Variants in SCNN1A observed in about 807,000 individuals in gnomAD.
The protein encoded by SCNN1A is epithelial sodium channel subunit alpha.
In SCNN1A, 65 loss-of-function variants were observed where a neutral mutation model predicts 68.6. That is an observed-to-expected ratio of 0.95 (90% CI 0.78 to 1.16). The LOEUF (loss-of-function observed/expected upper bound fraction) is 1.16. Among genes scored for constraint, SCNN1A ranks in the 50% most tolerant of loss-of-function variants. The pLI, the probability that SCNN1A is intolerant of heterozygous loss-of-function variation, is 0.00. For synonymous variants in SCNN1A, 357 were observed against 353.3 expected, an observed-to-expected ratio of 1.01 and a Z score of -0.12; for missense variants, 880 against 865.9, an observed-to-expected ratio of 1.02 and a Z score of -0.20.
intron 4 of SCNN1A, among the ~76,000 whole-genome samples, chr12:6,360,379 G>A (rs1948562917): frequency 1.3e-5 from 2 of 151,546 alleles, no homozygotes; most frequent in African/African-American, 2.4e-5. Flanking sequence ...GGAAAGCACA[G>A]GTGTCCATGG....
In SCNN1A at chr12:6,355,375, G is replaced by T; in HGVS notation, c.1040C>A (p.Thr347Asn). 1.2e-6 allele frequency: 2 copies of T among 1,614,038 alleles called. No homozygotes were observed. The highest frequency in any genetic ancestry group is 1.7e-6 in the Non-Finnish European group (2 of 1,179,988). The change falls in exon 6 of 13, where the codon ACT becomes AAT. Residue 347 changes from threonine to asparagine, a missense_variant. By Grantham distance (65) the Thr-to-Asn change is moderately conservative. Coordinates refer to ENST00000228916, the MANE Select transcript of SCNN1A (RefSeq NM_001038.6). The stretch of plus-strand genomic sequence containing the variant: ...CCCGTGCACCATTACCCGGGCCCCA[G>T]TCACTGTGGACAGCAGGGGAATGAA... ...NDFIPLLSTV[T>N]GARVMVHGQD...
intron 2 of SCNN1A, among the ~76,000 whole-genome samples, chr12:6,368,764 C>G (rs1370907256): frequency 6.6e-6 from 1 of 152,166 alleles, no homozygotes; most frequent in Non-Finnish European, 1.5e-5. Flanking sequence ...AAAGAGCACC[C>G]AAGCCAGAAC....
rs766337568 is a variant in SCNN1A, at chr12:6,374,478, G to A, written c.306C>T (p.Phe102=). 27 of 1,614,126 alleles carry A rather than the reference G, an allele frequency of 1.7e-5. No homozygotes were observed. Among genetic ancestry groups the A allele is most frequent in the Middle Eastern group, 1.6e-4 (1 of 6,084 alleles). The part of the protein sequence containing the change: ...LCTFGMMYWQ[F]GLLFGEYFSY... ...TGAAGTACTCTCCGAAAAGCAGGCC[G>A]AATTGCCAGTACATCATGCCAAAGG... Residue 102 remains phenylalanine (F), a synonymous_variant, in exon 2 of 13, where the codon TTC becomes TTT. Coordinates refer to ENST00000228916, the MANE Select transcript of SCNN1A (RefSeq NM_001038.6). The surrounding 1 kb of genome is among the most constrained non-coding windows in gnomAD (Gnocchi z 6.2).
rs13306618 is a variant in SCNN1A at position 6,374,898 on chromosome 12, G to A, written c.-54-61C>T. ...GGTCAGGGTCAAGGCTGAGCTCTGG[G>A]CCCTGAGTGCCCTCTCCCATCACCC... On this transcript the variant is annotated intron_variant, in intron 1 of 12. Transcript: ENST00000228916. The surrounding 1 kb of genome is among the most constrained non-coding windows in gnomAD (Gnocchi z 6.2). 4.0e-4 allele frequency: 643 copies of A among 1,611,390 alleles called. 7 individuals are homozygous for A. The East Asian group carries it at 0.014, about 35-fold the overall frequency.
At chr12:6,368,749 C>T (rs1445546001) in intron 2 of SCNN1A, among the ~76,000 whole-genome samples, 1 of 152,110 alleles carries the variant, frequency 6.6e-6, no homozygotes, top group Non-Finnish European at 1.5e-5. Flanking sequence ...CACATGGTGC[C>T]CCAGAAAGAG....
At position 6,351,999 on chromosome 12, in the gene SCNN1A, C is replaced by T. The variant is rs1016026439; in HGVS notation, c.1360+2439G>A. ...ATCCTGGGCTCAAGTGATCTGCCCACCTTGGCCTCTCAAAGTGCTGCGATT... is the reference window on the plus strand; with the variant it reads ...ATCCTGGGCTCAAGTGATCTGCCCATCTTGGCCTCTCAAAGTGCTGCGATT... On this transcript the variant is annotated intron_variant, in intron 8 of 12. Coordinates refer to ENST00000228916, the MANE Select transcript of SCNN1A (RefSeq NM_001038.6). The surrounding 1 kb of genome is among the most constrained non-coding windows in gnomAD (Gnocchi z 4.2). 6.6e-6 allele frequency among the ~76,000 whole-genome samples: 1 copy of T among 152,144 alleles called. No individual in the cohort carries two copies.
At chr12:6,349,072 T>C in intron 10 of SCNN1A, 67 bp from the exon 11 acceptor site, 1 of 1,605,700 alleles carries the variant, frequency 6.2e-7, no homozygotes, top group East Asian at 2.2e-5. Flanking sequence ...GATAGGGTTG[T>C]GTCAAACACA....
chr12:6,352,342 G>GT (rs937811275), intron 8 of SCNN1A, among the ~76,000 whole-genome samples: 1 of 152,090 alleles, frequency 6.6e-6, no homozygotes, highest in African/African-American at 2.4e-5. Flanking sequence ...TCCTCAGTCT[G>GT]AAGTCCTTCT....
At chr12:6,371,347 T>C (rs1948786385) in intron 2 of SCNN1A, among the ~76,000 whole-genome samples, 1 of 151,922 alleles carries the variant, frequency 6.6e-6, no homozygotes, top group African/African-American at 2.4e-5. Context: ...TGACAAATTG[T>C]CCTCCAATGA....
chr12:6,351,715 TG>T lies in SCNN1A; in HGVS notation c.1361-2311del, dbSNP rs1296272695. ...GTGGTTGCCCAAGGGCTGGCAGTGGTGGAGGAGGGGAGGGAAGCTTGGGACT... is the reference window on the plus strand; with the variant it reads ...GTGGTTGCCCAAGGGCTGGCAGTGGTGAGGAGGGGAGGGAAGCTTGGGACT... On this transcript the variant is annotated intron_variant, in intron 8 of 12. Transcript: ENST00000228916. The surrounding 1 kb of genome is among the most constrained non-coding windows in gnomAD (Gnocchi z 4.2). Among the ~76,000 whole-genome samples, 1 of 149,836 alleles carries T rather than the reference TG, an allele frequency of 6.7e-6. No homozygotes were observed. Among genetic ancestry groups the T allele is most frequent in the Non-Finnish European group, 1.5e-5 (1 of 67,416 alleles).
rs58854337 is a variant in SCNN1A, at chr12:6,354,179, C to T, written c.1360+259G>A. On this transcript the variant is annotated intron_variant, in intron 8 of 12. Transcript: ENST00000228916. ...CCGGGAGGTGGAGCTTGCAGTGAGC[C>T]GAGATCGCGCCACTGCTCTCCAGCC... Among the ~76,000 whole-genome samples, 20,648 of 151,562 alleles carry T rather than the reference C, an allele frequency of 0.14. 4,056 individuals are homozygous for T. The highest frequency in any genetic ancestry group is 0.44 in the African/African-American group (18,041 of 41,264).
chr12:6,369,780 G>A (rs1040515660), intron 2 of SCNN1A, among the ~76,000 whole-genome samples: 1 of 143,432 alleles, frequency 7.0e-6, no homozygotes, highest in Admixed American at 7.6e-5. Flanking sequence ...CTTGCAGTGA[G>A]CCAAGATCCC....
At chr12:6,353,374 A>G (rs1209791426) in intron 8 of SCNN1A, among the ~76,000 whole-genome samples, 1 of 152,014 alleles carries the variant, frequency 6.6e-6, no homozygotes, top group Non-Finnish European at 1.5e-5. Flanking sequence ...TGTATCTTCT[A>G]ATATTTTCTT....
Position 6,374,439 on chromosome 12 carries a change from G to A in SCNN1A, c.345C>T (p.Ser115=). 6.2e-7 allele frequency: 1 copy of A among 1,614,216 alleles called. No individual in the cohort carries two copies. Among genetic ancestry groups the A allele is most frequent in the East Asian group, 2.2e-5 (1 of 44,886 alleles). ...LFGEYFSYPV[S]LNINLNSDKL... ...TGTCCGAGTTGAGGTTGATGTTGAG[G>A]CTGACGGGGTAGCTGAAGTACTCTC... The change falls in exon 2 of 13, where the codon AGC becomes AGT. Residue 115 remains serine (S), a synonymous_variant. Coordinates refer to ENST00000228916, the MANE Select transcript of SCNN1A (RefSeq NM_001038.6). This position sits in a 1 kb window ranked among gnomAD's most constrained non-coding sequence, Gnocchi z 6.2.
intron 7 of SCNN1A, 84 bp downstream of exon 7, chr12:6,354,665 CT>C: frequency 7.0e-7 from 1 of 1,428,150 alleles, no homozygotes; most frequent in Non-Finnish European, 9.9e-7. Flanking sequence ...CTCTCTCTCT[CT>C]CACATACACA....
At chr12:6,365,136 C>T (rs1948655322) in intron 2 of SCNN1A, among the ~76,000 whole-genome samples, 1 of 151,920 alleles carries the variant, frequency 6.6e-6, no homozygotes, top group Non-Finnish European at 1.5e-5. Flanking sequence ...CCTCCCGCCT[C>T]AGCCTCCCTA....
At chr12:6,357,555 CA>C (rs10677875) in intron 4 of SCNN1A, among the ~76,000 whole-genome samples, 26 of 142,162 alleles carry the variant, frequency 1.8e-4, no homozygotes, top group East Asian at 8.2e-4. Flanking sequence ...GACTCTGTCT[CA>C]AAAAAAAAAA....
intron 4 of SCNN1A, among the ~76,000 whole-genome samples, chr12:6,357,328 C>T (rs576915888): frequency 2.0e-5 from 3 of 152,144 alleles, no homozygotes; most frequent in African/African-American, 7.2e-5. Flanking sequence ...AATCCCAACA[C>T]TTTGGGAGGC....
intron 2 of SCNN1A, among the ~76,000 whole-genome samples, chr12:6,370,444 G>A (rs1170577560): frequency 6.6e-6 from 1 of 152,174 alleles, no homozygotes; most frequent in Non-Finnish European, 1.5e-5. Flanking sequence ...GAGACTTGGA[G>A]GCTGACACTC....
Sources: allele counts gnomAD v4.1 joint callset (sites outside exome capture counted in the v4.1 genomes callset), GRCh38; gene constraint gnomAD v4.1.1; non-coding constraint Gnocchi (gnomAD v3.1); transcripts MANE v1.5; gene names NCBI Gene and HGNC (gene_info 2026-07-23, HGNC 2026-07-21).